SHPK: variants seen among roughly 807,000 people sequenced by gnomAD.
The protein encoded by SHPK is carbohydrate kinase-like protein.
A neutral mutation model predicts 46.3 loss-of-function variants in SHPK; 51 were observed. That is an observed-to-expected ratio of 1.10 (90% CI 0.88 to 1.39). SHPK has a LOEUF of 1.39. Ranked by LOEUF, SHPK falls within the 40% of genes most tolerant of loss-of-function variation. SHPK has a pLI of 0.00. For synonymous variants in SHPK, 290 were observed against 273.9 expected, an observed-to-expected ratio of 1.06 and a Z score of -0.58; for missense variants, 668 against 641.3, an observed-to-expected ratio of 1.04 and a Z score of -0.45.
At chr17:3,629,248 T>C (rs763932779) in intron 2 of SHPK, among the ~76,000 whole-genome samples, 11 of 152,138 alleles carry the variant, frequency 7.2e-5, no homozygotes, top group Non-Finnish European at 1.0e-4. Context: ...CACCAGGTTG[T>C]TGGGAATATC....
chr17:3,632,682 C>T (rs1205705000), intron 1 of SHPK, among the ~76,000 whole-genome samples: 1 of 152,080 alleles, frequency 6.6e-6, no homozygotes, highest in Non-Finnish European at 1.5e-5. Context: ...ATCAGTTGGT[C>T]TACATCCACG....
chr17:3,630,910 G>C (rs1160002912), intron 1 of SHPK, among the ~76,000 whole-genome samples: 2 of 152,134 alleles, frequency 1.3e-5, no homozygotes, highest in Admixed American at 1.3e-4. Flanking sequence ...AAGAGAAGAA[G>C]GGGAAGAGAA....
intron 1 of SHPK, among the ~76,000 whole-genome samples, chr17:3,632,527 T>C (rs956807037): frequency 6.6e-6 from 1 of 151,950 alleles, no homozygotes; most frequent in Non-Finnish European, 1.5e-5. Flanking sequence ...CGGGAAGAAG[T>C]AAGCAGGCTG....
rs766492089 is a variant in SHPK, at chr17:3,615,452, T to G, written c.909A>C (p.Pro303=). 2 of 1,614,136 alleles carry G rather than the reference T, an allele frequency of 1.2e-6. No individual in the cohort carries two copies. Among genetic ancestry groups the G allele is most frequent in the Non-Finnish European group, 1.7e-6 (2 of 1,180,008 alleles). The change falls in exon 6 of 7, where the codon CCA becomes CCC. Residue 303 remains proline, a synonymous_variant. Transcript: ENST00000225519. ...TGTTGAAGTATGGGAAGTAGGCGAC[T>G]GGGGCCGTAGGGTCTGGAGTCTGTG... ...QPAQTPDPTA[P]VAYFPYFNRT...
chr17:3,610,263 G>A lies in SHPK; in HGVS notation c.*297C>T, dbSNP rs2075328136. 3.0e-6 allele frequency: 1 copy of A among 337,946 alleles called. No homozygotes were observed. The highest frequency in any genetic ancestry group is 5.6e-6 in the Non-Finnish European group (1 of 180,152). 20.9% of individuals were successfully genotyped at this position (337,946 alleles called of 1,614,324 possible). On this transcript the variant is annotated 3_prime_UTR_variant, in exon 7 of 7. Coordinates refer to ENST00000225519, the MANE Select transcript of SHPK (RefSeq NM_013276.4). ...CAGGTGAACCACAGATGAGCCTGCT[G>A]ACCAGCAGGCTGGGCTACTGTGCTC...
intron 2 of SHPK, among the ~76,000 whole-genome samples, chr17:3,629,977 C>T (rs564159105): frequency 6.6e-6 from 1 of 152,232 alleles, no homozygotes; most frequent in South Asian, 2.1e-4. Context: ...TCTGCCTGTT[C>T]GTGGATAACG....
At position 3,610,738 on chromosome 17, in the gene SHPK, T is replaced by A. The variant is rs746204234; in HGVS notation, c.1259A>T (p.Gln420Leu). ...LHSMLPIQQL[Q>L]EWGVERVMGS... ...CATCACCCTCTCCACGCCCCACTCC[T>A]GGAGCTGCTGAATCGGAAGCATGGA... Residue 420 changes from glutamine to leucine, a missense_variant, in exon 7 of 7, where the codon CAG (glutamine) becomes CTG (leucine). Physicochemically the swap from Gln to Leu is moderately radical, Grantham distance 113. Transcript: ENST00000225519. 5.9e-5 allele frequency: 96 copies of A among 1,613,982 alleles called. No homozygotes were observed. The highest frequency in any genetic ancestry group is 7.8e-5 in the Non-Finnish European group (92 of 1,179,982).
chr17:3,623,559 T>G, intron 3 of SHPK, 68 bp from the exon 4 acceptor site: 1 of 1,508,870 alleles, frequency 6.6e-7, no homozygotes. Context: ...CGCACCTAGC[T>G]GCAGGCAGCA....
At chr17:3,621,895 C>A (rs532522254) in intron 4 of SHPK, among the ~76,000 whole-genome samples, 1 of 152,096 alleles carries the variant, frequency 6.6e-6, no homozygotes, top group East Asian at 1.9e-4. Context: ...TCACATCGTT[C>A]ACCCGCTTCA....
At chr17:3,621,134 C>T in intron 5 of SHPK, 103 bp downstream of exon 5, 3 of 967,592 alleles carry the variant, frequency 3.1e-6, no homozygotes, top group Middle Eastern at 3.4e-4. Flanking sequence ...CAGCAGGATG[C>T]CAAGACTGCT....
intron 1 of SHPK, among the ~76,000 whole-genome samples, chr17:3,634,244 A>C (rs2150876897): frequency 6.7e-6 from 1 of 149,268 alleles, no homozygotes; most frequent in African/African-American, 2.5e-5. Flanking sequence ...CCTCTGCGAG[A>C]AACACCCAAG....
chr17:3,635,994 T>G, intron 1 of SHPK, 58 bp downstream of exon 1: 1 of 1,458,106 alleles, frequency 6.9e-7, no homozygotes, highest in Non-Finnish European at 9.0e-7. Flanking sequence ...CCTCCTGGGG[T>G]GGAAAAGGGT....
chr17:3,623,915 A>G lies in SHPK; in HGVS notation c.494+133T>C, dbSNP rs2075417492. On this transcript the variant is annotated intron_variant, in intron 3 of 6. Transcript: ENST00000225519. The stretch of plus-strand genomic sequence containing the variant: ...TCTGGACCCAATCGAGGTCCAGGCC[A>G]TGCTGCATCCTGTCCTGCCAGGACA... 4.5e-6 allele frequency: 4 copies of G among 879,478 alleles called. No homozygotes were observed. The African/African-American group carries it at 5.0e-5, about 11-fold the overall frequency. The allele number at this position is 879,478 out of a possible 1,614,324, so 54.5% of individuals were successfully genotyped here.
At chr17:3,634,243 G>A (rs2075491801) in intron 1 of SHPK, among the ~76,000 whole-genome samples, 1 of 146,116 alleles carries the variant, frequency 6.8e-6, no homozygotes, top group Non-Finnish European at 1.5e-5. Context: ...CCCTCTGCGA[G>A]AAACACCCAA....
chr17:3,614,081 T>C (rs1017304886), intron 6 of SHPK, among the ~76,000 whole-genome samples: 1 of 152,148 alleles, frequency 6.6e-6, no homozygotes, highest in Non-Finnish European at 1.5e-5. Context: ...TTGAGTTAAT[T>C]CTAACCCAAG....
Position 3,615,471 on chromosome 17 carries a change from G to A in SHPK, c.890C>T (p.Thr297Ile), listed in dbSNP as rs1377086084. 1 of 1,614,056 alleles carries A rather than the reference G, an allele frequency of 6.2e-7. No homozygotes were observed. The highest frequency in any genetic ancestry group is 8.5e-7 in the Non-Finnish European group (1 of 1,180,042). ...SMPSGFQPAQ[T>I]PDPTAPVAYF... ...GGCGACTGGGGCCGTAGGGTCTGGA[G>A]TCTGTGCAGGCTGGAATCCTGAAGG... is the stretch of plus-strand genomic sequence containing the variant. The change falls in exon 6 of 7, where the codon ACT (threonine) becomes ATT (isoleucine). Residue 297 changes from threonine (T) to isoleucine (I), a missense_variant. Thr to Ile is a moderately conservative substitution (Grantham distance 89, BLOSUM62 -1). Transcript: ENST00000225519.
intron 4 of SHPK, 90 bp downstream of exon 4, chr17:3,623,249 C>A: frequency 6.8e-7 from 1 of 1,469,352 alleles, no homozygotes; most frequent in Non-Finnish European, 9.5e-7. Flanking sequence ...CCACCACTCC[C>A]AGATGGGAAA....
chr17:3,615,231 C>G, intron 6 of SHPK, 106 bp downstream of exon 6: 1 of 1,105,760 alleles, frequency 9.0e-7, no homozygotes, highest in South Asian at 1.4e-5. Context: ...GGTCTGAGAC[C>G]TCAATGTGGA....
chr17:3,617,560 C>G (rs1367283718), intron 5 of SHPK, among the ~76,000 whole-genome samples: 1 of 152,146 alleles, frequency 6.6e-6, no homozygotes, highest in African/African-American at 2.4e-5. Flanking sequence ...TTCAGGGAGT[C>G]TGAGACTCCA....
Sources: allele counts gnomAD v4.1 joint callset (sites outside exome capture counted in the v4.1 genomes callset), GRCh38; gene constraint gnomAD v4.1.1; transcripts MANE v1.5; gene names NCBI Gene and HGNC (gene_info 2026-07-23, HGNC 2026-07-21).